Variants in GRHL2 observed in about 807,000 individuals in gnomAD.
GRHL2 encodes grainyhead like transcription factor 2.
In GRHL2, 21 loss-of-function variants were observed where a neutral mutation model predicts 83.8. That is an observed-to-expected ratio of 0.25 (90% CI 0.18 to 0.36). The LOEUF (loss-of-function observed/expected upper bound fraction) is 0.36. GRHL2 is among the 10% of genes least tolerant of loss of function. The pLI is 1.00. For missense variants in GRHL2, 623 were observed against 781.8 expected (o/e 0.80, Z 2.42); for synonymous variants, 280 against 278.9 (o/e 1.00, Z -0.04).
chr8:101,651,125 C>T (rs1432023124), intron 14 of GRHL2, among the ~76,000 whole-genome samples: 1 of 152,140 alleles, frequency 6.6e-6, no homozygotes, highest in Non-Finnish European at 1.5e-5. Flanking sequence ...CAAAATGAGT[C>T]TAAGATTGCT....
intron 9 of GRHL2, among the ~76,000 whole-genome samples, chr8:101,624,989 A>G (rs1813052929): frequency 6.6e-6 from 1 of 152,176 alleles, no homozygotes; most frequent in Non-Finnish European, 1.5e-5. Flanking sequence ...TTTAGAAACA[A>G]AACCGAACCA....
At chr8:101,552,405 C>T (rs577176383) in intron 2 of GRHL2, among the ~76,000 whole-genome samples, 9 of 152,340 alleles carry the variant, frequency 5.9e-5, no homozygotes, top group African/African-American at 2.2e-4. Flanking sequence ...TTGCTCCTCT[C>T]CCCTCTTACA....
At chr8:101,560,933 C>A (rs1680294375) in intron 4 of GRHL2, among the ~76,000 whole-genome samples, 1 of 151,856 alleles carries the variant, frequency 6.6e-6, no homozygotes, top group Non-Finnish European at 1.5e-5. Flanking sequence ...AGTCCATTAG[C>A]CTTTTTGTTT....
At chr8:101,580,525 G>A (rs1812028717) in intron 7 of GRHL2, among the ~76,000 whole-genome samples, 1 of 150,630 alleles carries the variant, frequency 6.6e-6, no homozygotes, top group Non-Finnish European at 1.5e-5. Flanking sequence ...AAAGTGCTGG[G>A]ATTACAGGCG....
chr8:101,678,552 G>C, the GRHL2 span, among the ~76,000 whole-genome samples: 574 of 152,028 alleles, frequency 3.8e-3, 9 homozygotes, highest in East Asian at 0.057. Context: ...CAAAGCAGCC[G>C]GGAAGCTCGA....
chr8:101,577,619 A>G, intron 7 of GRHL2, 100 bp downstream of exon 7: 1 of 799,516 alleles, frequency 1.3e-6, no homozygotes, highest in Admixed American at 2.0e-5. Context: ...GGAGCCACAG[A>G]GCTCTTATGA....
intron 6 of GRHL2, 40 bp downstream of exon 6, chr8:101,573,864 G>A (rs571666941): frequency 8.8e-5 from 141 of 1,608,822 alleles, no homozygotes; most frequent in Admixed American, 1.8e-4. Flanking sequence ...AAAGGAATCC[G>A]ATGAACGGAA....
rs1284042842 is a variant in GRHL2 at position 101,666,961 on chromosome 8, C to T, written c.*258C>T. 3.5e-6 allele frequency: 2 copies of T among 565,998 alleles called. No individual in the cohort carries two copies. The highest frequency in any genetic ancestry group is 1.9e-5 in the African/African-American group (1 of 53,268). The allele number at this position is 565,998 out of a possible 1,614,324, so 35.1% of individuals were successfully genotyped here. On this transcript the variant is annotated 3_prime_UTR_variant, in exon 16 of 16. Coordinates refer to ENST00000646743, the MANE Select transcript of GRHL2 (RefSeq NM_024915.4). ...CTGTTGGATTCCTATTTATTGCCCA[C>T]CTTTTCCTGGAGCCCAGGTCCAGGC... is the stretch of plus-strand genomic sequence containing the variant.
chr8:101,672,777 G>T (rs1342075751), downstream of GRHL2, among the ~76,000 whole-genome samples: 5 of 151,336 alleles, frequency 3.3e-5, no homozygotes, highest in African/African-American at 1.2e-4. Flanking sequence ...TGAAATGAAG[G>T]AAAAAATGTT....
intron 1 of GRHL2, among the ~76,000 whole-genome samples, chr8:101,537,839 T>A (rs1418958626): frequency 6.6e-6 from 1 of 152,200 alleles, no homozygotes; most frequent in Non-Finnish European, 1.5e-5. Context: ...GAAATGGATA[T>A]GAGAAGTTGA....
intron 4 of GRHL2, among the ~76,000 whole-genome samples, chr8:101,564,550 A>G (rs934034541): frequency 2.0e-5 from 3 of 152,190 alleles, no homozygotes; most frequent in African/African-American, 7.2e-5. Context: ...TTGTGCCTGT[A>G]ATCCCAGCAC....
At chr8:101,573,166 T>A (rs1015162243) in intron 5 of GRHL2, among the ~76,000 whole-genome samples, 5 of 151,668 alleles carry the variant, frequency 3.3e-5, no homozygotes, top group African/African-American at 7.3e-5. Context: ...CTCAAGTGAA[T>A]GTTTGAGTTT....
intron 1 of GRHL2, among the ~76,000 whole-genome samples, chr8:101,514,457 G>C (rs529232353): frequency 1.3e-5 from 2 of 152,324 alleles, no homozygotes; most frequent in South Asian, 4.1e-4. Flanking sequence ...TCTGAGGCAA[G>C]CCCAGCCCAA....
intron 1 of GRHL2, among the ~76,000 whole-genome samples, chr8:101,514,572 C>T (rs1471067405): frequency 6.6e-6 from 1 of 152,174 alleles, no homozygotes; most frequent in African/African-American, 2.4e-5. Context: ...GAATCTGGGT[C>T]AGTACAACCT....
chr8:101,577,390 C>T lies in GRHL2; in HGVS notation c.892-18C>T, dbSNP rs111559404. The T allele has an allele frequency of 1.7e-4, 270 of 1,546,428 alleles. No homozygotes were observed. The highest frequency in any genetic ancestry group is 2.2e-4 in the Non-Finnish European group (251 of 1,119,228). On this transcript the variant is annotated intron_variant, in intron 6 of 15. Transcript: ENST00000646743. ...GGCACTGAACAAAAAGTAAGCTCCA[C>T]GATTCTCCCCTCTGCAGAGTGTGGT... is the stretch of plus-strand genomic sequence containing the variant.
intron 1 of GRHL2, among the ~76,000 whole-genome samples, chr8:101,496,082 G>T (rs657462): frequency 6.7e-6 from 1 of 149,416 alleles, no homozygotes; most frequent in Admixed American, 6.7e-5. Flanking sequence ...TGGGAGGCGG[G>T]GGTTGCAGTG....
intron 1 of GRHL2, among the ~76,000 whole-genome samples, chr8:101,522,721 T>TTATACATATACATATACA (rs149418092): frequency 0.044 from 6,560 of 149,634 alleles, 191 homozygotes; most frequent in African/African-American, 0.071. Context: ...ACAAGTATGT[T>TTATACATATACATATACA]TATACATATA....
At chr8:101,622,673 C>A (rs573770553) in intron 9 of GRHL2, among the ~76,000 whole-genome samples, 30 of 151,986 alleles carry the variant, frequency 2.0e-4, no homozygotes, top group Admixed American at 3.3e-4. Context: ...TTCACTATTG[C>A]CCAACACTCT....
At chr8:101,577,556 A>G (rs781500196) in intron 7 of GRHL2, 37 bp downstream of exon 7, 1 of 1,356,068 alleles carries the variant, frequency 7.4e-7, no homozygotes, top group South Asian at 1.2e-5. Flanking sequence ...AGTCCTCGAT[A>G]AACTGACATG....
Sources: allele counts gnomAD v4.1 joint callset (sites outside exome capture counted in the v4.1 genomes callset), GRCh38; gene constraint gnomAD v4.1.1; transcripts MANE v1.5; gene names NCBI Gene and HGNC (gene_info 2026-07-23, HGNC 2026-07-21).